MTHFD1L: variants seen among roughly 807,000 people sequenced by gnomAD.
MTHFD1L encodes monofunctional C1-tetrahydrofolate synthase, mitochondrial.
A neutral mutation model predicts 119.5 loss-of-function variants in MTHFD1L; 81 were observed. The ratio of observed to expected loss-of-function variants is 0.68; its 90% CI spans 0.57 to 0.82. MTHFD1L has a LOEUF of 0.82. Among genes scored for constraint, MTHFD1L ranks in the 40% least tolerant of loss-of-function variants. The pLI, the probability that MTHFD1L is intolerant of heterozygous loss-of-function variation, is 0.00. For missense variants in MTHFD1L, 1,125 were observed against 1,253.4 expected, an observed-to-expected ratio of 0.90 and a Z score of 1.55; for synonymous variants, 430 against 475.2, an observed-to-expected ratio of 0.90 and a Z score of 1.24.
chr6:150,974,610 A>C (rs948483702), intron 20 of MTHFD1L, among the ~76,000 whole-genome samples: 2 of 142,636 alleles, frequency 1.4e-5, no homozygotes, highest in African/African-American at 5.7e-5. Flanking sequence ...TGACTCCTGG[A>C]TACCCCATGT....
chr6:151,028,242 A>G (rs1238417299), intron 24 of MTHFD1L, among the ~76,000 whole-genome samples: 1 of 152,092 alleles, frequency 6.6e-6, no homozygotes, highest in Non-Finnish European at 1.5e-5. Flanking sequence ...TCAGCCCGGC[A>G]CCTCCTTGGA....
intron 26 of MTHFD1L, among the ~76,000 whole-genome samples, chr6:151,050,831 G>A (rs1376977001): frequency 1.3e-5 from 2 of 152,204 alleles, no homozygotes; most frequent in Middle Eastern, 3.4e-3. Context: ...TTCCCAACAC[G>A]CTTATGTGTG....
At chr6:150,979,974 CT>C (rs199818029) in intron 20 of MTHFD1L, among the ~76,000 whole-genome samples, 1 of 150,160 alleles carries the variant, frequency 6.7e-6, no homozygotes, top group South Asian at 2.1e-4. Context: ...TTTCATCCAC[CT>C]TTAAAAAAAA....
chr6:150,964,740 G>T (rs1796948293), intron 18 of MTHFD1L, among the ~76,000 whole-genome samples: 1 of 152,216 alleles, frequency 6.6e-6, no homozygotes, highest in Non-Finnish European at 1.5e-5. Context: ...AAGGTCAAAT[G>T]TCCTTCAAAA....
chr6:150,917,742 T>G (rs1788225004), intron 8 of MTHFD1L, among the ~76,000 whole-genome samples: 1 of 152,222 alleles, frequency 6.6e-6, no homozygotes, highest in South Asian at 2.1e-4. Context: ...TTACTCACAT[T>G]AATTAACAGG....
intron 26 of MTHFD1L, among the ~76,000 whole-genome samples, chr6:151,069,202 C>T (rs1397827409): frequency 6.6e-6 from 1 of 151,520 alleles, no homozygotes. Context: ...GCCACGGCTT[C>T]ATTCCAAAGT....
chr6:150,879,058 T>C (rs1780940742), intron 4 of MTHFD1L, among the ~76,000 whole-genome samples: 1 of 152,180 alleles, frequency 6.6e-6, no homozygotes, highest in Admixed American at 6.5e-5. Context: ...GTGTAGTTTT[T>C]ATACCAGGAA....
chr6:151,100,734 G>A (rs953100059), intron 27 of MTHFD1L, among the ~76,000 whole-genome samples: 1 of 151,750 alleles, frequency 6.6e-6, no homozygotes, highest in East Asian at 1.9e-4. Context: ...TTGGGAGAAA[G>A]CAGCAAAGCT....
At chr6:150,960,179 C>G in intron 17 of MTHFD1L, 96 bp from the exon 18 acceptor site, 3 of 1,461,360 alleles carry the variant, frequency 2.1e-6, no homozygotes, top group Non-Finnish European at 2.8e-6. Flanking sequence ...ACTCTCTGGG[C>G]CTGTGGTTGC....
chr6:150,963,826 A>G (rs1405962371), intron 18 of MTHFD1L, among the ~76,000 whole-genome samples: 1 of 152,224 alleles, frequency 6.6e-6, no homozygotes, highest in African/African-American at 2.4e-5. Flanking sequence ...TGTTGAAAAC[A>G]CCAAGACACC....
intron 24 of MTHFD1L, among the ~76,000 whole-genome samples, chr6:151,022,601 G>A (rs1261036563): frequency 6.6e-6 from 1 of 152,178 alleles, no homozygotes; most frequent in Non-Finnish European, 1.5e-5. Flanking sequence ...TAGGTTGAAA[G>A]GCTGTCCTTT....
At position 150,958,629 on chromosome 6, in the gene MTHFD1L, A is replaced by G. The variant is rs528507457; in HGVS notation, c.1804-1646A>G. ...TTACACATTGCATACCTGTATCAGA[A>G]TAGTTCATGCAATCCACAAATATAT... On this transcript the variant is annotated intron_variant, in intron 17 of 27. Coordinates refer to ENST00000367321, the MANE Select transcript of MTHFD1L (RefSeq NM_015440.5). Among the ~76,000 whole-genome samples, 10 of 152,332 alleles carry G rather than the reference A, an allele frequency of 6.6e-5. No homozygotes were observed. In the East Asian group the frequency reaches 1.7e-3, roughly 26 times the overall value.
At chr6:151,088,057 T>C (rs1031421003) in intron 26 of MTHFD1L, 3 of 152,218 alleles carry the variant, frequency 2.0e-5, no homozygotes, top group African/African-American at 7.2e-5. Context: ...GGCTCCTTTT[T>C]CCCTGCAGTG....
chr6:150,957,423 G>A (rs766887866), intron 17 of MTHFD1L, among the ~76,000 whole-genome samples: 1 of 152,136 alleles, frequency 6.6e-6, no homozygotes, highest in Admixed American at 6.6e-5. Context: ...AGCGTTAGTG[G>A]GAGTAGAAAT....
intron 8 of MTHFD1L, among the ~76,000 whole-genome samples, chr6:150,908,642 A>G (rs973742046): frequency 2.0e-5 from 3 of 151,940 alleles, no homozygotes; most frequent in Non-Finnish European, 4.4e-5. Context: ...AAAAAAAGAA[A>G]AGAAAAAAAA....
At position 151,067,421 on chromosome 6, in the gene MTHFD1L, C is replaced by T. The variant is rs146013144; in HGVS notation, c.2848-25046C>T. Among the ~76,000 whole-genome samples, 1,371 of 151,606 alleles carry T rather than the reference C, an allele frequency of 9.0e-3. 56 individuals are homozygous for T. The South Asian group carries it at 0.12, about 13-fold the overall frequency. Reference sequence around the variant, plus strand: ...TCACTGCAGCTTCGACCTCCTACGTCCAAGCAATTATCGTGCCTCAGCCTC... The same window carrying T: ...TCACTGCAGCTTCGACCTCCTACGTTCAAGCAATTATCGTGCCTCAGCCTC... On this transcript the variant is annotated intron_variant, in intron 26 of 27. Coordinates refer to ENST00000367321, the MANE Select transcript of MTHFD1L (RefSeq NM_015440.5).
chr6:150,959,422 T>G (rs1196973251), intron 17 of MTHFD1L, among the ~76,000 whole-genome samples: 2 of 152,232 alleles, frequency 1.3e-5, no homozygotes, highest in Admixed American at 6.5e-5. Context: ...GGCTGAATTA[T>G]GAGGAGGAGG....
At position 151,039,336 on chromosome 6, in the gene MTHFD1L, G is replaced by A. The variant is rs918538866; in HGVS notation, c.2847+2219G>A. 2.6e-5 allele frequency among the ~76,000 whole-genome samples: 4 copies of A among 152,128 alleles called. No individual in the cohort carries two copies. The highest frequency in any genetic ancestry group is 9.7e-5 in the African/African-American group (4 of 41,424). On this transcript the variant is annotated intron_variant, in intron 26 of 27. Coordinates refer to ENST00000367321, the MANE Select transcript of MTHFD1L (RefSeq NM_015440.5). This position sits in a 1 kb window ranked among gnomAD's most constrained non-coding sequence, Gnocchi z 4.4. Reference sequence around the variant, plus strand: ...TGCCAGGAGTTGGGGGAGGGGAAGCGTTTGACTGCAGAGGGGCAGGAGGGA... The same window carrying A: ...TGCCAGGAGTTGGGGGAGGGGAAGCATTTGACTGCAGAGGGGCAGGAGGGA...
At chr6:150,969,757 C>A (rs1039957460) in intron 19 of MTHFD1L, among the ~76,000 whole-genome samples, 5 of 152,134 alleles carry the variant, frequency 3.3e-5, no homozygotes, top group African/African-American at 2.4e-5. Context: ...CATAGAGAAA[C>A]CACTTCCACC....
Sources: allele counts gnomAD v4.1 joint callset (sites outside exome capture counted in the v4.1 genomes callset), GRCh38; gene constraint gnomAD v4.1.1; non-coding constraint Gnocchi (gnomAD v3.1); transcripts MANE v1.5; gene names NCBI Gene and HGNC (gene_info 2026-07-23, HGNC 2026-07-21).